The following SHLD2 variants were observed in gnomAD, a reference collection of about 807,000 sequenced individuals.
The protein encoded by SHLD2 is RINN1-REV7-interacting novel NHEJ regulator 2.
A neutral mutation model predicts 73.2 loss-of-function variants in SHLD2; 30 were observed. The observed-to-expected ratio is 0.41, with a 90% CI of 0.31 to 0.56. SHLD2 has a LOEUF of 0.56. SHLD2 is among the 20% of genes least tolerant of loss of function. The pLI is 0.28. For synonymous variants in SHLD2, 285 were observed against 370.1 expected (o/e 0.77, Z 2.64); for missense variants, 745 against 1,055.9 (o/e 0.71, Z 4.08).
intron 2 of SHLD2, among the ~76,000 whole-genome samples, chr10:87,116,676 TGA>T (rs1843277976): frequency 6.7e-6 from 1 of 149,920 alleles, no homozygotes; most frequent in African/African-American, 2.5e-5. Context: ...CTGAGGGAGG[TGA>T]GAGGGCAAGC....
intron 2 of SHLD2, among the ~76,000 whole-genome samples, chr10:87,147,358 A>G (rs1288480684): frequency 1.2e-5 from 1 of 80,564 alleles, no homozygotes; most frequent in East Asian, 2.8e-3. Flanking sequence ...CCAAGGAGGA[A>G]GAGAGAGAGA....
intron 2 of SHLD2, among the ~76,000 whole-genome samples, chr10:87,111,565 C>T (rs7077357): frequency 0.36 from 53,142 of 147,068 alleles, 9,940 homozygotes; most frequent in African/African-American, 0.47. Flanking sequence ...CTCTTGAGTC[C>T]GGGAGGTGGA....
intron 1 of SHLD2, among the ~76,000 whole-genome samples, chr10:87,096,141 G>T (rs1271642587): frequency 6.6e-6 from 1 of 150,966 alleles, no homozygotes; most frequent in Admixed American, 6.6e-5. Flanking sequence ...CCCTGGGTTC[G>T]TTCTAGCGAT....
intron 7 of SHLD2, among the ~76,000 whole-genome samples, chr10:87,179,215 G>T (rs550375113): frequency 2.2e-4 from 34 of 152,270 alleles, no homozygotes; most frequent in African/African-American, 7.7e-4. Context: ...CATTAGCAGT[G>T]AATTATGAAT....
chr10:87,096,595 C>G (rs907774355), intron 1 of SHLD2, among the ~76,000 whole-genome samples: 7 of 152,110 alleles, frequency 4.6e-5, no homozygotes, highest in African/African-American at 1.7e-4. Flanking sequence ...AAATAAAGCT[C>G]TAATGACAGT....
intron 2 of SHLD2, among the ~76,000 whole-genome samples, chr10:87,149,419 C>G (rs550253704): frequency 2.0e-5 from 3 of 152,018 alleles, no homozygotes; most frequent in African/African-American, 7.2e-5. Context: ...GATTCTTAAT[C>G]ATTTTTTTAA....
intron 2 of SHLD2, chr10:87,114,084 G>A (rs1382299414): frequency 6.6e-6 from 1 of 151,996 alleles, no homozygotes; most frequent in African/African-American, 2.4e-5. Flanking sequence ...TAAAGGTTTA[G>A]TAACCTTTAG....
chr10:87,109,519 G>A (rs200638077), intron 2 of SHLD2, among the ~76,000 whole-genome samples: 9 of 152,068 alleles, frequency 5.9e-5, no homozygotes, highest in African/African-American at 2.2e-4. Context: ...GGCTGGTCTC[G>A]AACTCCTGGC....
At chr10:87,156,653 C>G (rs1258686531) in intron 3 of SHLD2, among the ~76,000 whole-genome samples, 4 of 152,166 alleles carry the variant, frequency 2.6e-5, no homozygotes, top group Non-Finnish European at 5.9e-5. Context: ...CCATGCACCA[C>G]TAGTGATTAC....
intron 8 of SHLD2, among the ~76,000 whole-genome samples, chr10:87,181,083 A>G (rs1487195856): frequency 6.6e-6 from 1 of 151,894 alleles, no homozygotes; most frequent in Non-Finnish European, 1.5e-5. Context: ...AGAAGATTGA[A>G]TTAAGATGTA....
At chr10:87,138,944 A>G (rs1255926504) in intron 2 of SHLD2, among the ~76,000 whole-genome samples, 1 of 152,134 alleles carries the variant, frequency 6.6e-6, no homozygotes, top group Non-Finnish European at 1.5e-5. Flanking sequence ...AGCCCAGGAG[A>G]GTTTGGAGAA....
intron 2 of SHLD2, among the ~76,000 whole-genome samples, chr10:87,101,785 A>C (rs2133938279): frequency 6.6e-6 from 1 of 152,254 alleles, no homozygotes; most frequent in East Asian, 1.9e-4. Flanking sequence ...GTGGTGGTGC[A>C]TGCTTGCAAT....
chr10:87,115,844 TA>T (rs1211872996), intron 2 of SHLD2, among the ~76,000 whole-genome samples: 1 of 152,112 alleles, frequency 6.6e-6, no homozygotes, highest in Non-Finnish European at 1.5e-5. Context: ...ATATCAGCTC[TA>T]AAGGTTGAGT....
intron 4 of SHLD2, among the ~76,000 whole-genome samples, chr10:87,167,341 T>A (rs1003923336): frequency 3.9e-5 from 6 of 152,242 alleles, no homozygotes; most frequent in African/African-American, 1.4e-4. Flanking sequence ...TGGTGCTTTA[T>A]TTTTTACAGG....
rs562369028 is a variant in SHLD2 at position 87,165,565 on chromosome 10, A to G, written c.1634-4913A>G. ...ATCATAAAACACTGGAGAAACCCAA[A>G]GGGAAGGACGTTCTACTAAATAATT... On this transcript the variant is annotated intron_variant, in intron 4 of 9. Coordinates refer to ENST00000298786, the MANE Select transcript of SHLD2 (RefSeq NM_001330112.2). 2.0e-5 allele frequency among the ~76,000 whole-genome samples: 3 copies of G among 152,296 alleles called. No individual in the cohort carries two copies. The East Asian group carries it at 5.8e-4, about 29-fold the overall frequency.
rs190790937 is a variant in SHLD2 at position 87,161,715 on chromosome 10, A to G, written c.1633+3560A>G. Among the ~76,000 whole-genome samples the G allele has an allele frequency of 9.3e-3, 1,410 of 152,336 alleles. 9 individuals carry two copies. Among genetic ancestry groups the G allele is most frequent in the Admixed American group, 0.016 (243 of 15,300 alleles). On this transcript the variant is annotated intron_variant, in intron 4 of 9. Transcript: ENST00000298786. ...CTTCCTAAGTTAATATGTAAATTCA[A>G]TGTAGTTCCAATGAAAATATATATG... is the stretch of plus-strand genomic sequence containing the variant.
chr10:87,152,932 TG>T, intron 3 of SHLD2, 53 bp downstream of exon 3: 2 of 1,530,974 alleles, frequency 1.3e-6, no homozygotes, highest in African/African-American at 2.8e-5. Context: ...AAGTTTTGTT[TG>T]TTTTTGTTTT....
At chr10:87,137,625 A>G (rs1370109548) in intron 2 of SHLD2, among the ~76,000 whole-genome samples, 1 of 151,958 alleles carries the variant, frequency 6.6e-6, no homozygotes, top group Non-Finnish European at 1.5e-5. Flanking sequence ...AGAGAAGAGA[A>G]TGTGGCAGAA....
intron 2 of SHLD2, among the ~76,000 whole-genome samples, chr10:87,102,500 G>A (rs549857883): frequency 1.3e-5 from 2 of 152,106 alleles, no homozygotes; most frequent in African/African-American, 4.8e-5. Flanking sequence ...CTGAGGTTGG[G>A]AGTTCAAGAC....
Sources: allele counts gnomAD v4.1 joint callset (sites outside exome capture counted in the v4.1 genomes callset), GRCh38; gene constraint gnomAD v4.1.1; transcripts MANE v1.5; gene names NCBI Gene and HGNC (gene_info 2026-07-23, HGNC 2026-07-21).